The following LRMDA variants were observed in gnomAD, a reference collection of about 807,000 sequenced individuals.
The protein encoded by LRMDA is leucine-rich melanocyte differentiation-associated protein.
In LRMDA, 18 loss-of-function variants were observed where a neutral mutation model predicts 29.8. The observed-to-expected ratio is 0.60, with a 90% confidence interval of 0.42 to 0.90. The LOEUF is 0.90. Among genes scored for constraint, LRMDA ranks in the 40% least tolerant of loss-of-function variants. LRMDA has a pLI of 0.00. For missense variants in LRMDA, 273 were observed against 273.9 expected (o/e 1.00, Z 0.02); for synonymous variants, 125 against 109.4 (o/e 1.14, Z -0.89).
intron 5 of LRMDA, among the ~76,000 whole-genome samples, chr10:76,128,822 C>T (rs962887754): frequency 1.3e-5 from 2 of 152,142 alleles, no homozygotes; most frequent in East Asian, 1.9e-4. Context: ...TCATTAAAGA[C>T]GTGAAAGCGT....
chr10:76,124,168 A>G (rs549810155), intron 5 of LRMDA, among the ~76,000 whole-genome samples: 22 of 152,186 alleles, frequency 1.4e-4, no homozygotes, highest in South Asian at 4.1e-4. Context: ...AGTACTAAGT[A>G]TCCCTCAAAT....
intron 6 of LRMDA, among the ~76,000 whole-genome samples, chr10:76,390,622 C>A (rs1398521995): frequency 3.3e-5 from 5 of 152,172 alleles, no homozygotes; most frequent in Non-Finnish European, 7.3e-5. Context: ...GCAGCTCCCC[C>A]AAGAGTGCCC....
chr10:75,768,445 A>G (rs1843197010), intron 2 of LRMDA, among the ~76,000 whole-genome samples: 2 of 152,232 alleles, frequency 1.3e-5, no homozygotes. Context: ...TTAGTTAAGG[A>G]AAGAAAGCCA....
intron 5 of LRMDA, among the ~76,000 whole-genome samples, chr10:76,165,886 A>G (rs1589359893): frequency 6.6e-6 from 1 of 152,244 alleles, no homozygotes; most frequent in Admixed American, 6.5e-5. Flanking sequence ...AAACCATATC[A>G]GCACACTCAT....
chr10:75,939,395 G>A (rs7896044), intron 2 of LRMDA, among the ~76,000 whole-genome samples: 2,821 of 152,212 alleles, frequency 0.019, 74 homozygotes, highest in African/African-American at 0.059. Flanking sequence ...CCTATTTGTC[G>A]TGAATTATGT....
At chr10:75,651,094 T>C (rs1399032530) in intron 2 of LRMDA, among the ~76,000 whole-genome samples, 2 of 152,208 alleles carry the variant, frequency 1.3e-5, no homozygotes, top group Non-Finnish European at 2.9e-5. Context: ...CTGTTAGCCC[T>C]AGAAAGGCCC....
chr10:76,140,931 A>G (rs917923346), intron 5 of LRMDA, among the ~76,000 whole-genome samples: 2 of 152,048 alleles, frequency 1.3e-5, no homozygotes, highest in African/African-American at 2.4e-5. Context: ...TTTACAAATT[A>G]TTCTTTGAGT....
chr10:75,962,337 C>T (rs1455883214), intron 2 of LRMDA, among the ~76,000 whole-genome samples: 20 of 152,164 alleles, frequency 1.3e-4, no homozygotes, highest in Admixed American at 1.3e-3. Flanking sequence ...GGGTCCCCAG[C>T]CCAGCAGCAT....
chr10:75,439,255 G>A (rs1051578185), intron 2 of LRMDA, among the ~76,000 whole-genome samples: 25 of 152,192 alleles, frequency 1.6e-4, no homozygotes, highest in African/African-American at 5.8e-4. Context: ...CAGGCAGGAC[G>A]ATTGCTTTTC....
chr10:75,501,323 T>C (rs1845110722), intron 2 of LRMDA, among the ~76,000 whole-genome samples: 1 of 152,238 alleles, frequency 6.6e-6, no homozygotes, highest in Non-Finnish European at 1.5e-5. Context: ...AAGGAATTCA[T>C]ATTTATACTC....
chr10:76,172,296 C>A (rs1850853601), intron 5 of LRMDA, among the ~76,000 whole-genome samples: 1 of 152,126 alleles, frequency 6.6e-6, no homozygotes, highest in Non-Finnish European at 1.5e-5. Context: ...AAACAGGTTG[C>A]AAATATTGGA....
At chr10:75,927,413 G>A (rs1846138388) in intron 2 of LRMDA, among the ~76,000 whole-genome samples, 1 of 152,110 alleles carries the variant, frequency 6.6e-6, no homozygotes, top group Non-Finnish European at 1.5e-5. Context: ...GATATTAATA[G>A]CTAGAGAGAG....
At chr10:75,575,798 A>G (rs1291512361) in intron 2 of LRMDA, among the ~76,000 whole-genome samples, 1 of 152,114 alleles carries the variant, frequency 6.6e-6, no homozygotes, top group African/African-American at 2.4e-5. Flanking sequence ...AGCCAAAGGA[A>G]GGCATTAGGG....
At chr10:75,499,246 C>T (rs1027123441) in intron 2 of LRMDA, among the ~76,000 whole-genome samples, 9 of 152,128 alleles carry the variant, frequency 5.9e-5, no homozygotes, top group African/African-American at 2.2e-4. Flanking sequence ...CAGTTATTTT[C>T]CTGTCCCTGC....
intron 2 of LRMDA, among the ~76,000 whole-genome samples, chr10:75,907,305 A>G (rs1401990000): frequency 6.6e-6 from 1 of 152,238 alleles, no homozygotes; most frequent in African/African-American, 2.4e-5. Context: ...AATTCAGGGT[A>G]ATGATGATTT....
Position 76,203,600 on chromosome 10 carries a change from C to T in LRMDA, c.517-120801C>T, listed in dbSNP as rs569941094. On this transcript the variant is annotated intron_variant, in intron 5 of 6. Coordinates refer to ENST00000611255, the MANE Select transcript of LRMDA (RefSeq NM_001305581.2). ...GCAGAGGACACTTTGTAAAACAAAA[C>T]AAAGCAAATCTCTATTCTTGCCCTG... Among the ~76,000 whole-genome samples the T allele has an allele frequency of 2.6e-5, 4 of 152,314 alleles. No homozygotes were observed. In the South Asian group the frequency reaches 8.3e-4, roughly 32 times the overall value.
intron 2 of LRMDA, among the ~76,000 whole-genome samples, chr10:75,641,062 G>A (rs1467182245): frequency 6.6e-6 from 1 of 152,176 alleles, no homozygotes; most frequent in Non-Finnish European, 1.5e-5. Flanking sequence ...ACACTTTATG[G>A]AGAGTCAGAG....
At chr10:76,431,291 G>T (rs1842188467) in intron 6 of LRMDA, among the ~76,000 whole-genome samples, 1 of 152,262 alleles carries the variant, frequency 6.6e-6, no homozygotes, top group Non-Finnish European at 1.5e-5. Context: ...ATGCGAACGG[G>T]CCCATAACTA....
chr10:76,359,696 A>G (rs1311869465), intron 6 of LRMDA, among the ~76,000 whole-genome samples: 1 of 152,212 alleles, frequency 6.6e-6, no homozygotes, highest in Non-Finnish European at 1.5e-5. Context: ...CACTTTCGTA[A>G]GTAATCAGGT....
Sources: gnomAD v4.1 joint callset for allele counts (sites outside exome capture counted in the v4.1 genomes callset) on GRCh38, gnomAD v4.1.1 for gene constraint, MANE v1.5 for transcripts, NCBI Gene and HGNC (gene_info 2026-07-23, HGNC 2026-07-21) for gene names.